The following DYNC2H1 variants were observed in gnomAD, a reference collection of about 807,000 sequenced individuals.
DYNC2H1 encodes the protein dynein cytoplasmic 2 heavy chain 1.
In DYNC2H1, 410 loss-of-function variants were observed where a neutral mutation model predicts 570.0. The observed-to-expected ratio is 0.72, with a 90% CI of 0.66 to 0.78. DYNC2H1 has a LOEUF of 0.78. Ranked by LOEUF, DYNC2H1 falls within the 30% of genes least tolerant of loss-of-function variation. The pLI is 0.00. For synonymous variants in DYNC2H1, 1,688 were observed against 1,677.6 expected (o/e 1.01, Z -0.15); for missense variants, 4,865 against 5,046.4 (o/e 0.96, Z 1.09).
intron 37 of DYNC2H1, among the ~76,000 whole-genome samples, 182 bp downstream of exon 37, chr11:103,176,616 A>G (rs1358947883): frequency 1.3e-5 from 2 of 152,086 alleles, no homozygotes; most frequent in Non-Finnish European, 2.9e-5. Context: ...GCTCTTATCA[A>G]ATATTCTTGT....
At chr11:103,140,484 T>G (rs978666527) in intron 17 of DYNC2H1, among the ~76,000 whole-genome samples, 2 of 152,186 alleles carry the variant, frequency 1.3e-5, no homozygotes, top group African/African-American at 4.8e-5. Context: ...TTAGTTTGGC[T>G]GGATATGAAA....
rs1863649233 is a variant in DYNC2H1, at chr11:103,223,006, C to T, written c.9273C>T (p.Ala3091=). 1.2e-6 allele frequency: 2 copies of T among 1,613,316 alleles called. No individual in the cohort carries two copies. The change falls in exon 59 of 89, where the codon GCC becomes GCT. Residue 3091 remains alanine, a synonymous_variant. Transcript: ENST00000375735. ...RASTAAAPLA[A]WVKANIQYSH... ...GTACTGCAGCTGCACCTTTGGCTGC[C>T]TGGGTGAAAGCCAATATTCAGTATT...
intron 60 of DYNC2H1, among the ~76,000 whole-genome samples, chr11:103,232,088 TATA>T (rs1467189221): frequency 2.0e-5 from 3 of 151,998 alleles, no homozygotes; most frequent in Non-Finnish European, 2.9e-5. Flanking sequence ...GAAAAATAAG[TATA>T]ATGTATTATT....
chr11:103,259,585 G>C (rs975188682), intron 69 of DYNC2H1, among the ~76,000 whole-genome samples: 1 of 152,086 alleles, frequency 6.6e-6, no homozygotes, highest in Non-Finnish European at 1.5e-5. Flanking sequence ...CCTTAACCTA[G>C]ATTGATGTAG....
chr11:103,442,512 A>G (rs753251493), intron 85 of DYNC2H1, among the ~76,000 whole-genome samples: 7 of 152,146 alleles, frequency 4.6e-5, no homozygotes, highest in Non-Finnish European at 8.8e-5. Context: ...CAGCAGTAAC[A>G]GCTGATAAAT....
At chr11:103,380,943 C>G (rs1941619530) in intron 83 of DYNC2H1, among the ~76,000 whole-genome samples, 1 of 152,176 alleles carries the variant, frequency 6.6e-6, no homozygotes, top group Non-Finnish European at 1.5e-5. Context: ...TCTAACCTAA[C>G]TGTTGCCGAT....
At chr11:103,317,675 T>A (rs1272619713) in intron 80 of DYNC2H1, among the ~76,000 whole-genome samples, 1 of 152,106 alleles carries the variant, frequency 6.6e-6, no homozygotes, top group Non-Finnish European at 1.5e-5. Flanking sequence ...GTGTTCTTCC[T>A]TCGGTCTGAA....
intron 82 of DYNC2H1, among the ~76,000 whole-genome samples, chr11:103,336,605 G>A (rs1939146297): frequency 6.6e-6 from 1 of 152,054 alleles, no homozygotes; most frequent in South Asian, 2.1e-4. Flanking sequence ...ATGCCTTCTA[G>A]TACTATCCAT....
intron 70 of DYNC2H1, among the ~76,000 whole-genome samples, chr11:103,274,455 T>C (rs1187781876): frequency 6.6e-6 from 1 of 152,194 alleles, no homozygotes. Flanking sequence ...TTTGAATTAA[T>C]ACATTTATTG....
rs771181201 is a variant in DYNC2H1 at position 103,120,601 on chromosome 11, A to T, written c.1134+20A>T. The T allele has an allele frequency of 4.4e-6, 7 of 1,601,576 alleles. 1 individual carries two copies. The African/African-American group carries it at 5.4e-5, about 12-fold the overall frequency. ...ACTGAGGTTGTATATATATTTGTTT[A>T]TGTCTGTACAGTTTCCTGTTTATGT... is the stretch of plus-strand genomic sequence containing the variant. On this transcript the variant is annotated intron_variant, in intron 7 of 88. Coordinates refer to ENST00000375735, the MANE Select transcript of DYNC2H1 (RefSeq NM_001377.3).
intron 83 of DYNC2H1, among the ~76,000 whole-genome samples, chr11:103,368,261 C>T (rs1317196877): frequency 1.3e-5 from 2 of 152,150 alleles, no homozygotes; most frequent in Non-Finnish European, 2.9e-5. Flanking sequence ...TTTACTAACA[C>T]TTGTTTTCTT....
At chr11:103,214,502 T>C (rs1218268991) in intron 54 of DYNC2H1, among the ~76,000 whole-genome samples, 1 of 146,066 alleles carries the variant, frequency 6.8e-6, no homozygotes, top group East Asian at 2.1e-4. Flanking sequence ...TGGCATGTAA[T>C]AGTGCGGTCT....
At chr11:103,431,083 A>G (rs1237273209) in intron 84 of DYNC2H1, among the ~76,000 whole-genome samples, 3 of 152,096 alleles carry the variant, frequency 2.0e-5, no homozygotes, top group Non-Finnish European at 2.9e-5. Flanking sequence ...TTTGAGAGAG[A>G]GTGAGTTAAC....
At chr11:103,350,618 C>A (rs1249352775) in intron 82 of DYNC2H1, among the ~76,000 whole-genome samples, 1 of 152,154 alleles carries the variant, frequency 6.6e-6, no homozygotes, top group Non-Finnish European at 1.5e-5. Flanking sequence ...GCTTAAACAA[C>A]AGAAATTTAT....
chr11:103,429,819 C>T (rs1267560248), intron 84 of DYNC2H1, among the ~76,000 whole-genome samples: 1 of 152,118 alleles, frequency 6.6e-6, no homozygotes, highest in East Asian at 1.9e-4. Flanking sequence ...TTACAGTGAC[C>T]TCTCTGCATT....
chr11:103,163,095 C>T lies in DYNC2H1; in HGVS notation c.4559C>T (p.Thr1520Ile). The change falls in exon 30 of 89, where the codon ACT (threonine) becomes ATT (isoleucine). Residue 1520 changes from threonine to isoleucine, a missense_variant. By Grantham distance (89) the Thr-to-Ile change is moderately conservative. Coordinates refer to ENST00000375735, the MANE Select transcript of DYNC2H1 (RefSeq NM_001377.3). The surrounding 1 kb of genome is among the most constrained non-coding windows in gnomAD (Gnocchi z 4.6). ...TLEQLLKECV[T>I]TGRSSQGAVD... The stretch of plus-strand genomic sequence containing the variant: ...GAACAGTTGTTGAAGGAATGTGTTA[C>T]TACTGGGCGAAGTTCTCAAGGTGCA... 2 of 1,613,180 alleles carry T rather than the reference C, an allele frequency of 1.2e-6. No individual in the cohort carries two copies. The highest frequency in any genetic ancestry group is 2.7e-5 in the African/African-American group (2 of 74,990).
At chr11:103,113,461 T>C in intron 1 of DYNC2H1, 76 bp from the exon 2 acceptor site, 2 of 1,189,160 alleles carry the variant, frequency 1.7e-6, no homozygotes, top group East Asian at 2.9e-5. Flanking sequence ...ATAATTATAG[T>C]GATAGAACTT....
intron 83 of DYNC2H1, among the ~76,000 whole-genome samples, chr11:103,382,878 T>A (rs149134665): frequency 3.1e-3 from 470 of 152,342 alleles, no homozygotes; most frequent in Non-Finnish European, 5.5e-3. Context: ...AATGGATAAT[T>A]TAATATAGAG....
intron 20 of DYNC2H1, 92 bp downstream of exon 20, chr11:103,148,709 A>T (rs994393863): frequency 7.0e-7 from 1 of 1,423,336 alleles, no homozygotes; most frequent in Non-Finnish European, 9.4e-7. Context: ...TTACAAATAT[A>T]TAATCTCAAC....
Sources: gnomAD v4.1 joint callset for allele counts (sites outside exome capture counted in the v4.1 genomes callset) on GRCh38, gnomAD v4.1.1 for gene constraint, Gnocchi (gnomAD v3.1) non-coding constraint, MANE v1.5 for transcripts, NCBI Gene and HGNC (gene_info 2026-07-23, HGNC 2026-07-21) for gene names.